The following SMAD2 variants were observed in gnomAD, a reference collection of about 807,000 sequenced individuals.
SMAD2 encodes the protein MAD homolog 2.
Under a neutral mutation model 64.4 loss-of-function variants are expected in SMAD2, and 8 were observed. The ratio of observed to expected loss-of-function variants is 0.12; its 90% CI spans 0.07 to 0.22. SMAD2 has a LOEUF of 0.22. Among genes scored for constraint, SMAD2 ranks in the 10% least tolerant of loss-of-function variants. The probability of loss-of-function intolerance (pLI) is 1.00; values close to 1 mark genes in which losing one functional copy is unlikely to be tolerated. For missense variants in SMAD2, 289 were observed against 561.2 expected (o/e 0.51, Z 4.90); for synonymous variants, 203 against 195.8 (o/e 1.04, Z -0.31).
rs1441897627 is a variant in SMAD2 at position 47,817,329 on chromosome 18, G to A, written c.*24498C>T. ...GGCAGAGGCTTTTTGACTTGACTTT[G>A]GATTTGTCTTGGTTCTAAGACCACT... On this transcript the variant is annotated 3_prime_UTR_variant, in exon 11 of 11. Coordinates refer to ENST00000262160, the MANE Select transcript of SMAD2 (RefSeq NM_005901.6). 6.6e-6 allele frequency: 1 copy of A among 152,176 alleles called. No homozygotes were observed. The highest frequency in any genetic ancestry group is 6.5e-5 in the Admixed American group (1 of 15,278). The allele number at this position is 152,176 out of a possible 1,614,324, so 9.4% of individuals were successfully genotyped here.
In SMAD2 at chr18:47,838,646, C is replaced by G. The variant is rs928231569; in HGVS notation, c.*3181G>C. Reference sequence around the variant, plus strand: ...CTAAATCCAGTTATATTTTTCTAATCGTTGACCAGTGGTTATAAAGACTTT... The same window carrying G: ...CTAAATCCAGTTATATTTTTCTAATGGTTGACCAGTGGTTATAAAGACTTT... On this transcript the variant is annotated 3_prime_UTR_variant, in exon 11 of 11. Transcript: ENST00000262160. 4.3e-6 allele frequency: 1 copy of G among 232,684 alleles called. No individual in the cohort carries two copies. The highest frequency in any genetic ancestry group is 6.0e-5 in the East Asian group (1 of 16,610). 14.4% of individuals were successfully genotyped at this position (232,684 alleles called of 1,614,324 possible).
chr18:47,870,568 T>G lies in SMAD2; in HGVS notation c.237-4A>C, dbSNP rs1037415912. The G allele has an allele frequency of 1.2e-6, 2 of 1,608,242 alleles. No homozygotes were observed. The highest frequency in any genetic ancestry group is 1.7e-6 in the Non-Finnish European group (2 of 1,174,810). ...TCCCCAAATTTCAGAGCAAGTGCTGTGCATAAATTGAAAAACAAAAAATTG... is the reference window on the plus strand; with the variant it reads ...TCCCCAAATTTCAGAGCAAGTGCTGGGCATAAATTGAAAAACAAAAAATTG... On this transcript the variant is annotated splice_region_variant and splice_polypyrimidine_tract_variant and intron_variant, in intron 2 of 10. Coordinates refer to ENST00000262160, the MANE Select transcript of SMAD2 (RefSeq NM_005901.6).
intron 6 of SMAD2, among the ~76,000 whole-genome samples, chr18:47,860,641 G>A (rs538951638): frequency 3.3e-5 from 5 of 151,938 alleles, no homozygotes; most frequent in East Asian, 1.9e-4. Context: ...CGAGAAAACA[G>A]GAGAAAGCCC....
chr18:47,848,590 C>T lies in SMAD2; in HGVS notation c.882G>A (p.Gln294=), dbSNP rs1160462317. ...QRVGETFHAS[Q]PSLTVDGFTD... The stretch of plus-strand genomic sequence containing the variant: ...TAAAGCCATCTACAGTGAGTGAGGG[C>T]TGTGATGCATGGAAGGTTTCTCCAA... The change falls in exon 8 of 11, where the codon CAG becomes CAA. Residue 294 remains glutamine, a synonymous_variant. Transcript: ENST00000262160. 4.3e-6 allele frequency: 7 copies of T among 1,613,206 alleles called. No homozygotes were observed. Among genetic ancestry groups the T allele is most frequent in the African/African-American group, 2.7e-5 (2 of 74,852 alleles).
At position 47,816,591 on chromosome 18, in the gene SMAD2, A is replaced by G. The variant is rs1912375671; in HGVS notation, c.*25236T>C. 6.6e-6 allele frequency: 1 copy of G among 152,210 alleles called. No individual in the cohort carries two copies. Among genetic ancestry groups the G allele is most frequent in the African/African-American group, 2.4e-5 (1 of 41,468 alleles). 9.4% of individuals were successfully genotyped at this position (152,210 alleles called of 1,614,324 possible). On this transcript the variant is annotated 3_prime_UTR_variant, in exon 11 of 11. Transcript: ENST00000262160. ...AACCTTTCACAAAGGTTACCCACAAAATACTTTTGCCTAGCCACTGCCTGT... is the reference window on the plus strand; with the variant it reads ...AACCTTTCACAAAGGTTACCCACAAGATACTTTTGCCTAGCCACTGCCTGT...
At chr18:47,868,557 T>A in intron 4 of SMAD2, 100 bp from the exon 5 acceptor site, 2 of 934,486 alleles carry the variant, frequency 2.1e-6, no homozygotes, top group Non-Finnish European at 3.4e-6. Context: ...GTAGCTTAAT[T>A]TTTAAAGCTA....
chr18:47,900,586 T>C (rs1434100110), intron 1 of SMAD2, among the ~76,000 whole-genome samples: 1 of 152,184 alleles, frequency 6.6e-6, no homozygotes, highest in Non-Finnish European at 1.5e-5. Context: ...TTGTCAATTT[T>C]CTCTATGTAA....
chr18:47,868,043 C>T (rs1394250672), intron 5 of SMAD2, among the ~76,000 whole-genome samples: 1 of 152,118 alleles, frequency 6.6e-6, no homozygotes, highest in Non-Finnish European at 1.5e-5. Flanking sequence ...ACAACTAAGA[C>T]AAACTTACTA....
intron 2 of SMAD2, 115 bp from the exon 3 acceptor site, chr18:47,870,679 T>C (rs2031876251): frequency 8.9e-6 from 7 of 782,686 alleles, no homozygotes; most frequent in Middle Eastern, 2.4e-4. Context: ...CCAGAAAATA[T>C]ACAATTGCTT....
intron 5 of SMAD2, among the ~76,000 whole-genome samples, chr18:47,868,094 G>C (rs1317273254): frequency 1.3e-5 from 2 of 152,028 alleles, no homozygotes; most frequent in African/African-American, 4.8e-5. Flanking sequence ...TTTGATTAAA[G>C]TCACTGCAAA....
chr18:47,891,292 C>CA (rs1490575421), intron 2 of SMAD2, among the ~76,000 whole-genome samples: 4 of 152,102 alleles, frequency 2.6e-5, no homozygotes, highest in Non-Finnish European at 5.9e-5. Context: ...GCAGTAAGAG[C>CA]AAAACTCTGT....
intron 1 of SMAD2, among the ~76,000 whole-genome samples, chr18:47,920,827 A>C (rs1468118358): frequency 1.3e-5 from 2 of 152,240 alleles, no homozygotes; most frequent in African/African-American, 4.8e-5. Flanking sequence ...TAATACCACA[A>C]GACTGGAAAC....
chr18:47,907,218 C>T (rs1474212882), intron 1 of SMAD2, among the ~76,000 whole-genome samples: 1 of 152,078 alleles, frequency 6.6e-6, no homozygotes, highest in Non-Finnish European at 1.5e-5. Context: ...CAAAAAGAAA[C>T]CTGTATAAGA....
In SMAD2 at chr18:47,841,944, C is replaced by T. The variant is rs369672010; in HGVS notation, c.1287G>A (p.Gln429=). Residue 429 remains glutamine, a synonymous_variant, in exon 11 of 11, where the codon CAG becomes CAA. Transcript: ENST00000262160. ...VKGWGAEYRR[Q]TVTSTPCWIE... is the part of the protein sequence containing the mutation. The stretch of plus-strand genomic sequence containing the variant: ...TCCAGCAAGGAGTACTTGTTACCGT[C>T]TGCCTTCTGTTTAAAAGAATACAGG... The T allele has an allele frequency of 4.3e-6, 7 of 1,614,024 alleles. No homozygotes were observed. Among genetic ancestry groups the T allele is most frequent in the Non-Finnish European group, 5.9e-6 (7 of 1,180,022 alleles).
rs1170364970 is a variant in SMAD2, at chr18:47,828,012, C to T, written c.*13815G>A. On this transcript the variant is annotated 3_prime_UTR_variant, in exon 11 of 11. Coordinates refer to ENST00000262160, the MANE Select transcript of SMAD2 (RefSeq NM_005901.6). ...GAAGTGAGGAGCGCCTCTTCCCGGC[C>T]GCCCATCGTCTGAGATGTGGGGAGC... 2.8e-5 allele frequency: 5 copies of T among 176,104 alleles called. No homozygotes were observed. Among genetic ancestry groups the T allele is most frequent in the South Asian group, 2.3e-4 (2 of 8,624 alleles). 10.9% of individuals were successfully genotyped at this position (176,104 alleles called of 1,614,324 possible). A position where few individuals can be genotyped will look rare whatever the true frequency, so the allele number is the denominator to read the frequency against.
At chr18:47,884,953 C>A (rs956046476) in intron 2 of SMAD2, among the ~76,000 whole-genome samples, 3 of 152,124 alleles carry the variant, frequency 2.0e-5, no homozygotes, top group Admixed American at 6.5e-5. Flanking sequence ...GTATCTCCCA[C>A]ACACAAAATA....
chr18:47,842,686 T>C (rs1914085680), intron 10 of SMAD2, among the ~76,000 whole-genome samples: 1 of 152,104 alleles, frequency 6.6e-6, no homozygotes, highest in Admixed American at 6.5e-5. Context: ...AGTAAAAGTA[T>C]ACCAAAGCAA....
At chr18:47,855,239 G>C (rs778585808) in intron 6 of SMAD2, among the ~76,000 whole-genome samples, 6 of 152,194 alleles carry the variant, frequency 3.9e-5, no homozygotes, top group Non-Finnish European at 7.3e-5. Flanking sequence ...GGATATATCA[G>C]TTTATTTATC....
chr18:47,886,782 G>C (rs1010031885), intron 2 of SMAD2: 1 of 160,582 alleles, frequency 6.2e-6, no homozygotes, highest in Non-Finnish European at 1.4e-5. Context: ...CAAAGTCAGA[G>C]TTAAAAGTTG....
Sources: allele counts gnomAD v4.1 joint callset (sites outside exome capture counted in the v4.1 genomes callset), GRCh38; gene constraint gnomAD v4.1.1; transcripts MANE v1.5; gene names NCBI Gene and HGNC (gene_info 2026-07-23, HGNC 2026-07-21).